Variants in SAE1 observed in about 807,000 individuals in gnomAD.
The protein encoded by SAE1 is SUMO-activating enzyme subunit 1.
A neutral mutation model predicts 40.6 loss-of-function variants in SAE1; 11 were observed. The observed-to-expected ratio is 0.27, with a 90% CI of 0.17 to 0.45. SAE1 has a LOEUF of 0.45. Ranked by LOEUF, SAE1 falls within the 20% of genes least tolerant of loss-of-function variation. SAE1 has a pLI of 1.00. For synonymous variants in SAE1, 155 were observed against 154.3 expected (o/e 1.00, Z -0.03); for missense variants, 373 against 427.3 (o/e 0.87, Z 1.12).
intron 6 of SAE1, among the ~76,000 whole-genome samples, chr19:47,195,736 C>CTTTTTTTTTTT (rs56268362): frequency 1.1e-5 from 1 of 93,142 alleles, no homozygotes; most frequent in Non-Finnish European, 2.0e-5. Flanking sequence ...TTTTTTTCTT[C>CTTTTTTTTTTT]TTTTTTTTTT....
chr19:47,143,967 C>T (rs533086208), intron 2 of SAE1, among the ~76,000 whole-genome samples: 3 of 152,270 alleles, frequency 2.0e-5, no homozygotes, highest in East Asian at 1.9e-4. Context: ...CTGGAGGCTT[C>T]GTGGTGCCCT....
intron 6 of SAE1, among the ~76,000 whole-genome samples, chr19:47,183,517 C>A (rs1317700855): frequency 2.0e-5 from 3 of 152,200 alleles, no homozygotes; most frequent in Admixed American, 6.5e-5. Flanking sequence ...CACCTCGTGA[C>A]ATTTTCTTAT....
intron 5 of SAE1, among the ~76,000 whole-genome samples, chr19:47,164,639 C>CCT (rs2058379140): frequency 1.3e-5 from 1 of 78,388 alleles, no homozygotes. Context: ...GAGAATTCAC[C>CCT]TTTTTTTTTT....
At chr19:47,208,188 A>T (rs1032827466) in intron 8 of SAE1, among the ~76,000 whole-genome samples, 1 of 152,138 alleles carries the variant, frequency 6.6e-6, no homozygotes, top group African/African-American at 2.4e-5. Context: ...ATGAATAATT[A>T]TTTCTGCTGT....
chr19:47,146,149 T>A (rs2058254554), intron 2 of SAE1, among the ~76,000 whole-genome samples: 1 of 151,922 alleles, frequency 6.6e-6, no homozygotes, highest in Non-Finnish European at 1.5e-5. Context: ...AGTTTGGTGT[T>A]TTTAGAGTGT....
At chr19:47,150,074 CAAA>C (rs34440742) in intron 2 of SAE1, 125 bp from the exon 3 acceptor site, 3,053 of 335,966 alleles carry the variant, frequency 9.1e-3, no homozygotes, top group South Asian at 0.015. Flanking sequence ...AAGACTGTCT[CAAA>C]AAAAAAAAAA....
chr19:47,157,674 A>G (rs1470247031), intron 5 of SAE1, among the ~76,000 whole-genome samples: 2 of 152,198 alleles, frequency 1.3e-5, no homozygotes, highest in East Asian at 1.9e-4. Flanking sequence ...GGAGGGCCCT[A>G]CAGGCACAGA....
chr19:47,173,975 G>A (rs540698845), intron 6 of SAE1, among the ~76,000 whole-genome samples: 3 of 151,592 alleles, frequency 2.0e-5, no homozygotes, highest in South Asian at 2.1e-4. Context: ...TAGTAGAGAC[G>A]GGGTTTCACC....
intron 5 of SAE1, among the ~76,000 whole-genome samples, chr19:47,162,819 C>A (rs1397298341): frequency 6.6e-6 from 1 of 151,978 alleles, no homozygotes; most frequent in Non-Finnish European, 1.5e-5. Flanking sequence ...GGCTAAAACC[C>A]CTTCTCTACC....
Position 47,197,437 on chromosome 19 carries a change from G to C in SAE1, c.878+60G>C, listed in dbSNP as rs1391406258. ...CAGATAAAGTTTGTTTTCAGGATTT[G>C]CCTTAATTTGACAAGCTCTTTTATT... On this transcript the variant is annotated intron_variant, in intron 7 of 8. Transcript: ENST00000270225. The C allele has an allele frequency of 4.1e-6, 6 of 1,479,898 alleles. No homozygotes were observed. In the East Asian group the frequency reaches 1.4e-4, roughly 36 times the overall value. 91.7% of individuals were successfully genotyped at this position (1,479,898 alleles called of 1,614,324 possible).
At chr19:47,156,711 G>T (rs566025414) in intron 5 of SAE1, among the ~76,000 whole-genome samples, 1 of 152,060 alleles carries the variant, frequency 6.6e-6, no homozygotes, top group East Asian at 1.9e-4. Context: ...TAGAGATGGG[G>T]TTCCACCATG....
At position 47,174,563 on chromosome 19, in the gene SAE1, A is replaced by ATTTTTTTT. The variant is rs71180803; in HGVS notation, c.733+4658_733+4665dup. ...AGGCATATGTCACCACGCCTGGCAA[A>ATTTTTTTT]TTTTTTTTTTTTTTTTTTTTTTTTT... On this transcript the variant is annotated intron_variant, in intron 6 of 8. Transcript: ENST00000270225. 3.8e-4 allele frequency among the ~76,000 whole-genome samples: 34 copies of ATTTTTTTT among 88,508 alleles called. 1 individual carries two copies. Among genetic ancestry groups the ATTTTTTTT allele is most frequent in the African/African-American group, 1.5e-3 (30 of 19,954 alleles). The allele number at this position is 88,508 out of a possible 152,430, so 58.1% of individuals were successfully genotyped here.
chr19:47,175,995 T>G (rs2058466407), intron 6 of SAE1, among the ~76,000 whole-genome samples: 1 of 152,256 alleles, frequency 6.6e-6, no homozygotes, highest in African/African-American at 2.4e-5. Flanking sequence ...AAAGTTTTCT[T>G]TGTTAAACCC....
rs561584808 is a variant in SAE1, at chr19:47,138,105, G to A, written c.99-5389G>A. Among the ~76,000 whole-genome samples the A allele has an allele frequency of 2.8e-4, 42 of 151,498 alleles. No individual in the cohort carries two copies. The Middle Eastern group carries it at 0.01, about 37-fold the overall frequency. On this transcript the variant is annotated intron_variant, in intron 1 of 8. Transcript: ENST00000270225. ...GTTGCCCAGGCTGGAGTGCAATGGC[G>A]TGATCTAGACTCACTGCAACCTCTG...
chr19:47,202,841 C>T (rs1014650791), intron 7 of SAE1, among the ~76,000 whole-genome samples: 5 of 152,024 alleles, frequency 3.3e-5, no homozygotes, highest in Non-Finnish European at 5.9e-5. Flanking sequence ...ATCCGGGAGG[C>T]GGAGCTTGCA....
intron 6 of SAE1, among the ~76,000 whole-genome samples, chr19:47,175,566 G>A (rs767806295): frequency 3.1e-4 from 47 of 151,910 alleles, no homozygotes; most frequent in East Asian, 3.9e-4. Context: ...GTGAAATCCC[G>A]TCTCTACTAA....
chr19:47,150,724 G>A (rs1363566859), intron 3 of SAE1, among the ~76,000 whole-genome samples: 5 of 152,240 alleles, frequency 3.3e-5, no homozygotes, highest in East Asian at 3.9e-4. Flanking sequence ...GTTTTCTTCC[G>A]AAAACTTAAC....
At chr19:47,164,639 CTTTTTTTTTTTTT>C (rs1166301382) in intron 5 of SAE1, among the ~76,000 whole-genome samples, 4 of 78,388 alleles carry the variant, frequency 5.1e-5, no homozygotes, top group East Asian at 3.8e-4. Flanking sequence ...GAGAATTCAC[CTTTTTTTTTTTTT>C]TTTTTTTTTT....
At chr19:47,188,925 T>C (rs888529361) in intron 6 of SAE1, among the ~76,000 whole-genome samples, 5 of 152,192 alleles carry the variant, frequency 3.3e-5, no homozygotes, top group Admixed American at 6.5e-5. Flanking sequence ...AGGCACCTCA[T>C]TGCACCCCCC....
Sources: gnomAD v4.1 joint callset for allele counts (sites outside exome capture counted in the v4.1 genomes callset) on GRCh38, gnomAD v4.1.1 for gene constraint, MANE v1.5 for transcripts, NCBI Gene and HGNC (gene_info 2026-07-23, HGNC 2026-07-21) for gene names.